Variants in PDAP1 observed in about 807,000 individuals in gnomAD.
The protein encoded by PDAP1 is PDGFA associated protein 1, also known as 28 kDa heat- and acid-stable phosphoprotein.
Under a neutral mutation model 28.0 loss-of-function variants are expected in PDAP1, and 13 were observed. The observed-to-expected ratio is 0.46, with a 90% CI of 0.30 to 0.74. The LOEUF is 0.74. Ranked by LOEUF, PDAP1 falls within the 30% of genes least tolerant of loss-of-function variation. The pLI is 0.07. For synonymous variants in PDAP1, 77 were observed against 85.1 expected (o/e 0.91, Z 0.52); for missense variants, 150 against 230.0 (o/e 0.65, Z 2.25).
In PDAP1 at chr7:99,403,409, C is replaced by T. The variant is rs755230159; in HGVS notation, c.202G>A (p.Asp68Asn). 3 of 1,596,688 alleles carry T rather than the reference C, an allele frequency of 1.9e-6. No homozygotes were observed. The highest frequency in any genetic ancestry group is 1.1e-5 in the South Asian group (1 of 90,736). The change falls in exon 3 of 6, where the codon GAT becomes AAT. Residue 68 changes from aspartate (D) to asparagine (N), a missense_variant. Physicochemically the swap from Asp to Asn is conservative, Grantham distance 23 (BLOSUM62 1). Coordinates refer to ENST00000350498, the MANE Select transcript of PDAP1 (RefSeq NM_014891.7). ...AAAGAACTCAGTACCTGGTAGTCAT[C>T]TTCTTCATCCTCACTCTCATCTGAG... ...LDSDESEDEE[D>N]DYQQKRKGVE... is the part of the protein sequence containing the mutation.
chr7:99,405,096 A>C, intron 1 of PDAP1, 143 bp from the exon 2 acceptor site: 1 of 608,898 alleles, frequency 1.6e-6, no homozygotes, highest in South Asian at 2.0e-5. Flanking sequence ...CACCTCCGCC[A>C]CCCTCATGTG....
At chr7:99,405,100 T>C in intron 1 of PDAP1, 147 bp from the exon 2 acceptor site, 1 of 607,660 alleles carries the variant, frequency 1.6e-6, no homozygotes, top group Non-Finnish European at 2.9e-6. Flanking sequence ...TCCGCCACCC[T>C]CATGTGTTCA....
At chr7:99,407,927 G>C (rs1795014741) in intron 1 of PDAP1, among the ~76,000 whole-genome samples, 1 of 152,182 alleles carries the variant, frequency 6.6e-6, no homozygotes, top group South Asian at 2.1e-4. Context: ...ACTGTACTGC[G>C]CACTCCACGT....
intron 2 of PDAP1, among the ~76,000 whole-genome samples, chr7:99,403,782 C>T (rs1422795973): frequency 2.6e-5 from 4 of 152,148 alleles, no homozygotes; most frequent in South Asian, 4.1e-4. Flanking sequence ...CCCTTCCTAA[C>T]GCAGCCACCT....
chr7:99,396,502 G>GGCCCCCCCC lies in PDAP1; in HGVS notation c.*179_*180insGGGGGGGGC. On this transcript the variant is annotated 3_prime_UTR_variant, in exon 6 of 6. Transcript: ENST00000350498. ...AAAGATAGCAGCTACCCCTCCCCCA[G>GGCCCCCCCC]TCCCCCCCCCCATCCCCCAAACAAT... 3.0e-6 allele frequency: 1 copy of GGCCCCCCCC among 328,356 alleles called. No homozygotes were observed. Among genetic ancestry groups the GGCCCCCCCC allele is most frequent in the Non-Finnish European group, 5.6e-6 (1 of 178,384 alleles). The allele number at this position is 328,356 out of a possible 1,614,324, so 20.3% of individuals were successfully genotyped here.
At chr7:99,399,320 G>C (rs1794818972) in intron 4 of PDAP1, among the ~76,000 whole-genome samples, 1 of 152,190 alleles carries the variant, frequency 6.6e-6, no homozygotes, top group South Asian at 2.1e-4. Flanking sequence ...TCTAAGCTGA[G>C]CCTCAGGAAT....
intron 2 of PDAP1, 70 bp downstream of exon 2, chr7:99,404,792 C>G: frequency 7.8e-7 from 1 of 1,279,160 alleles, no homozygotes; most frequent in Non-Finnish European, 1.1e-6. Flanking sequence ...CTTGCCTGGC[C>G]TCTCTATGAA....
chr7:99,402,202 C>A lies in PDAP1; in HGVS notation c.213+1196G>T, dbSNP rs1794880511. ...CGAGATCGCACCACTGCACTCCAGC[C>A]TGGGCGACAGAGAGACTCCATCTCC... On this transcript the variant is annotated intron_variant, in intron 3 of 5. Transcript: ENST00000350498. Among the ~76,000 whole-genome samples, 6 of 140,614 alleles carry A rather than the reference C, an allele frequency of 4.3e-5. No individual in the cohort carries two copies. In the Admixed American group the frequency reaches 4.4e-4, roughly 10 times the overall value. 92.2% of individuals were successfully genotyped at this position (140,614 alleles called of 152,430 possible). A position where few individuals can be genotyped will look rare whatever the true frequency, so the allele number is the denominator to read the frequency against.
chr7:99,406,396 T>C (rs180846044), intron 1 of PDAP1, among the ~76,000 whole-genome samples: 9 of 152,114 alleles, frequency 5.9e-5, no homozygotes, highest in Admixed American at 5.2e-4. Context: ...CTTAGTAGTA[T>C]GGCAAAAAGA....
At chr7:99,405,670 G>A (rs1794959243) in intron 1 of PDAP1, among the ~76,000 whole-genome samples, 1 of 152,066 alleles carries the variant, frequency 6.6e-6, no homozygotes, top group Admixed American at 6.6e-5. Context: ...CCAGCCAGGG[G>A]CACAGTTGAT....
intron 3 of PDAP1, among the ~76,000 whole-genome samples, chr7:99,402,885 AAAAAAAAAAAAGAAAAG>A (rs1194255422): frequency 1.3e-5 from 2 of 148,298 alleles, no homozygotes; most frequent in Admixed American, 6.7e-5. Context: ...TCTCAAAAAA[AAAAAAAAAAAAGAAAAG>A]AAAAGAAAAG....
At position 99,394,865 on chromosome 7, in the gene PDAP1, C is replaced by T; in HGVS notation, c.*1817G>A. On this transcript the variant is annotated 3_prime_UTR_variant, in exon 6 of 6. Transcript: ENST00000350498. ...TTTTTGTTATTTCCTTGGGGTCTTG[C>T]TAAGTTTTCCAGGCTGCACTAGAAC... The T allele has an allele frequency of 8.3e-7, 1 of 1,203,556 alleles. No homozygotes were observed. The highest frequency in any genetic ancestry group is 1.0e-6 in the Non-Finnish European group (1 of 964,258). The allele number at this position is 1,203,556 out of a possible 1,614,324, so 74.6% of individuals were successfully genotyped here. A position where few individuals can be genotyped will look rare whatever the true frequency, so the allele number is the denominator to read the frequency against.
Position 99,394,800 on chromosome 7 carries a change from A to AT in PDAP1, c.*1881_*1882insA, listed in dbSNP as rs1408897081. ...TGTGTAAAAAAAAAAAAAAAAAAAAAAGTAATTATGGACATGCTTGCCTAT... is the reference window on the plus strand; with the variant it reads ...TGTGTAAAAAAAAAAAAAAAAAAAAATAGTAATTATGGACATGCTTGCCTAT... On this transcript the variant is annotated 3_prime_UTR_variant, in exon 6 of 6. Transcript: ENST00000350498. The AT allele has an allele frequency of 4.2e-6, 5 of 1,199,136 alleles. No homozygotes were observed. In the African/African-American group the frequency reaches 8.1e-5, roughly 19 times the overall value. 74.3% of individuals were successfully genotyped at this position (1,199,136 alleles called of 1,614,324 possible).
At chr7:99,400,245 C>T in intron 4 of PDAP1, 58 bp downstream of exon 4, 1 of 1,593,746 alleles carries the variant, frequency 6.3e-7, no homozygotes, top group Admixed American at 1.7e-5. Context: ...CTTAGCATCC[C>T]ACAGGCCAAC....
chr7:99,401,773 A>T (rs1163840350), intron 3 of PDAP1, among the ~76,000 whole-genome samples: 3 of 145,446 alleles, frequency 2.1e-5, no homozygotes, highest in African/African-American at 7.7e-5. Flanking sequence ...GTCTTGGCTC[A>T]CTGCACTCCG....
In PDAP1 at chr7:99,404,894, C is replaced by T. The variant is rs766147501; in HGVS notation, c.73G>A (p.Ala25Thr). 2.5e-6 allele frequency: 4 copies of T among 1,613,308 alleles called. No individual in the cohort carries two copies. The highest frequency in any genetic ancestry group is 2.2e-5 in the East Asian group (1 of 44,896). ...RQYTSPEEID[A>T]QLQAEKQKAR... ...TTCTGCTTCTCAGCCTGCAGCTGCG[C>T]GTCGATCTCCTCAGGGCTTGTATAC... Residue 25 changes from alanine to threonine, a missense_variant, in exon 2 of 6, where the codon GCG becomes ACG. Transcript: ENST00000350498.
In PDAP1 at chr7:99,396,760, C is replaced by T; in HGVS notation, c.488-20G>A. On this transcript the variant is annotated intron_variant, in intron 5 of 5. Coordinates refer to ENST00000350498, the MANE Select transcript of PDAP1 (RefSeq NM_014891.7). ...CTTTTGCTGAGGGGTGGGAGAAGGGCAGGGGTTAAAACAAAGCAACCCCCC... is the reference window on the plus strand; with the variant it reads ...CTTTTGCTGAGGGGTGGGAGAAGGGTAGGGGTTAAAACAAAGCAACCCCCC... 1 of 1,608,722 alleles carries T rather than the reference C, an allele frequency of 6.2e-7. No homozygotes were observed. Among genetic ancestry groups the T allele is most frequent in the Non-Finnish European group, 8.5e-7 (1 of 1,176,314 alleles).
chr7:99,400,024 T>A (rs73711211), intron 4 of PDAP1, among the ~76,000 whole-genome samples: 3,300 of 152,276 alleles, frequency 0.022, 95 homozygotes, highest in African/African-American at 0.074. Flanking sequence ...CAGGGTGTGG[T>A]GCTCTGGAAG....
At chr7:99,397,336 T>C (rs756859074) in intron 5 of PDAP1, among the ~76,000 whole-genome samples, 1 of 152,122 alleles carries the variant, frequency 6.6e-6, no homozygotes, top group Non-Finnish European at 1.5e-5. Flanking sequence ...CCAACTCCCA[T>C]AGCCACTCTG....
Sources: allele counts gnomAD v4.1 joint callset (sites outside exome capture counted in the v4.1 genomes callset), GRCh38; gene constraint gnomAD v4.1.1; transcripts MANE v1.5; gene names NCBI Gene and HGNC (gene_info 2026-07-23, HGNC 2026-07-21).